DEFB110: variants seen among roughly 807,000 people sequenced by gnomAD.
The protein encoded by DEFB110 is defensin beta 110.
DEFB110 carries 4 observed loss-of-function variants against 2.5 expected under a neutral mutation model. The observed-to-expected ratio is 1.60, with a 90% CI of 0.79 to 3.66. The LOEUF (loss-of-function observed/expected upper bound fraction) is 3.66, where lower values mean the gene tolerates loss of function less well. DEFB110 is among the 30% of genes most tolerant of loss of function. The pLI is 0.01. For synonymous variants in DEFB110, 29 were observed against 21.8 expected (o/e 1.33, Z -0.92); for missense variants, 94 against 75.4 (o/e 1.25, Z -0.91).
At chr6:50,014,062 A>G (rs1294035569), downstream of DEFB110, among the ~76,000 whole-genome samples, 1 of 151,880 alleles carries the variant, frequency 6.6e-6, no homozygotes, top group Non-Finnish European at 1.5e-5. Context: ...GAGAAAGCAC[A>G]TCAAAATAAG....
intron 1 of DEFB110, among the ~76,000 whole-genome samples, chr6:50,010,498 G>C (rs771733973): frequency 5.9e-4 from 89 of 151,194 alleles, no homozygotes; most frequent in Non-Finnish European, 9.2e-4. Context: ...AGATGGAAGA[G>C]ACTGTCAGGT....
chr6:50,017,684 T>A (rs540463674), downstream of DEFB110, among the ~76,000 whole-genome samples: 3 of 142,582 alleles, frequency 2.1e-5, no homozygotes, highest in Non-Finnish European at 4.4e-5. Context: ...AATCAAAGAC[T>A]ATGTAAATTT....
chr6:50,018,645 C>A (rs769030659), downstream of DEFB110, among the ~76,000 whole-genome samples: 1 of 151,954 alleles, frequency 6.6e-6, no homozygotes, highest in Non-Finnish European at 1.5e-5. Context: ...TTACCCAATT[C>A]TTTGACCTAG....
At position 50,019,767 on chromosome 6, in the gene DEFB110, C is replaced by A. The variant is rs535994720; in HGVS notation, c.56-642G>T. Reference sequence around the variant, plus strand: ...TTTTTTTTCTTTCACAAAAAAGTTTCTAAAATAATAACTTACAAACAATTT... The same window carrying A: ...TTTTTTTTCTTTCACAAAAAAGTTTATAAAATAATAACTTACAAACAATTT... On this transcript the variant is annotated intron_variant, in intron 1 of 1. Coordinates refer to ENST00000371148, the MANE Select transcript of DEFB110 (RefSeq NM_001037497.2). Among the ~76,000 whole-genome samples, 3 of 151,700 alleles carry A rather than the reference C, an allele frequency of 2.0e-5. No homozygotes were observed. In the South Asian group the frequency reaches 6.3e-4, roughly 32 times the overall value.
chr6:50,013,784 T>C (rs183029617), intron 1 of DEFB110, among the ~76,000 whole-genome samples: 1 of 151,868 alleles, frequency 6.6e-6, no homozygotes, highest in Non-Finnish European at 1.5e-5. Flanking sequence ...CAGAAGTGTT[T>C]TAGCTTCTAA....
At chr6:50,017,161 C>G (rs1774332952), downstream of DEFB110, among the ~76,000 whole-genome samples, 1 of 151,692 alleles carries the variant, frequency 6.6e-6, no homozygotes, top group African/African-American at 2.4e-5. Flanking sequence ...TAATCTTTTT[C>G]TTGACGTAGC....
rs767010832 is a variant in DEFB110 at position 50,019,055 on chromosome 6, A to T, written c.126T>A (p.Cys42Ter). 1 of 1,613,232 alleles carries T rather than the reference A, an allele frequency of 6.2e-7. No homozygotes were observed. The highest frequency in any genetic ancestry group is 1.1e-5 in the South Asian group (1 of 91,046). The change falls in exon 2 of 2, where the codon TGT becomes TGA. Residue 42 changes from cysteine to a stop codon, truncating the protein, a stop_gained. Coordinates refer to ENST00000371148, the MANE Select transcript of DEFB110 (RefSeq NM_001037497.2). LOFTEE classifies it high-confidence loss of function. ...RRECRIGNGQCKNQCHENEIR... is the reference protein window; with the variant it reads ...RRECRIGNGQ Reference sequence around the variant, plus strand: ...TTTCATTTTCATGACACTGATTTTTACATTGACCATTACCTATTCTGCACT... The same window carrying T: ...TTTCATTTTCATGACACTGATTTTTTCATTGACCATTACCTATTCTGCACT...
At chr6:50,018,837 C>T, downstream of DEFB110, 1 of 1,353,436 alleles carries the variant, frequency 7.4e-7, no homozygotes, top group Non-Finnish European at 9.5e-7. Flanking sequence ...GACATATGAT[C>T]ACTTCTGAAT....
At chr6:50,021,271 C>T (rs1774414273) in intron 1 of DEFB110, among the ~76,000 whole-genome samples, 1 of 152,138 alleles carries the variant, frequency 6.6e-6, no homozygotes, top group African/African-American at 2.4e-5. Context: ...TAGCAGCATC[C>T]TGGGTTCTAT....
At chr6:50,016,407 C>A (rs559622444), downstream of DEFB110, among the ~76,000 whole-genome samples, 2 of 151,580 alleles carry the variant, frequency 1.3e-5, no homozygotes, top group South Asian at 4.2e-4. Flanking sequence ...ATATTGTGGG[C>A]CATAGGAGGG....
downstream of DEFB110, among the ~76,000 whole-genome samples, chr6:50,014,492 TA>T (rs1774283158): frequency 6.6e-6 from 1 of 151,976 alleles, no homozygotes; most frequent in South Asian, 2.1e-4. Flanking sequence ...ATAAGGTTGG[TA>T]AAATTTTTAA....
At chr6:50,019,934 A>G (rs1774390850) in intron 1 of DEFB110, among the ~76,000 whole-genome samples, 1 of 152,244 alleles carries the variant, frequency 6.6e-6, no homozygotes, top group East Asian at 1.9e-4. Context: ...CACATTGTCT[A>G]TAACTGCTTT....
chr6:50,015,241 T>C (rs1774297267), downstream of DEFB110, among the ~76,000 whole-genome samples: 1 of 151,822 alleles, frequency 6.6e-6, no homozygotes, highest in African/African-American at 2.4e-5. Context: ...TGGACTTAGC[T>C]TCTATAATTT....
exon 2 of DEFB110, chr6:50,009,201 A>C (rs1356858455): frequency 4.3e-6 from 7 of 1,610,666 alleles, no homozygotes; most frequent in Non-Finnish European, 5.9e-6. Context: ...CATCATCACA[A>C]AACGTTTTAC....
downstream of DEFB110, among the ~76,000 whole-genome samples, chr6:50,015,587 C>G (rs914170757): frequency 2.6e-5 from 4 of 151,744 alleles, no homozygotes; most frequent in Non-Finnish European, 5.9e-5. Flanking sequence ...TACTATAGCC[C>G]AGGATTGTGG....
rs769317505 is a variant in DEFB110, at chr6:50,021,921, A to C, written c.15T>G (p.Leu5=). The C allele has an allele frequency of 6.4e-7, 1 of 1,563,214 alleles. No individual in the cohort carries two copies. The highest frequency in any genetic ancestry group is 2.4e-5 in the East Asian group (1 of 41,984). The stretch of plus-strand genomic sequence containing the variant: ...CCCAAAAGTGCAGAATAAAGAAAAA[A>C]AGTTGAATCTTCATGGTAGAGAGTT... MKIQ[L]FFFILHFWVT... is the part of the protein sequence containing the mutation. The change falls in exon 1 of 2, where the codon CTT becomes CTG. Residue 5 remains leucine, a synonymous_variant. Transcript: ENST00000371148.
At chr6:50,019,270 C>A in intron 1 of DEFB110, 145 bp from the exon 2 acceptor site, 1 of 817,280 alleles carries the variant, frequency 1.2e-6, no homozygotes, top group Non-Finnish European at 1.9e-6. Flanking sequence ...TTTACTGTCC[C>A]TTGGTACAAG....
downstream of DEFB110, among the ~76,000 whole-genome samples, chr6:50,016,393 A>G (rs1333781471): frequency 6.6e-6 from 1 of 151,876 alleles, no homozygotes; most frequent in East Asian, 1.9e-4. Flanking sequence ...TGTCATGAAA[A>G]TTTATATTGT....
downstream of DEFB110, among the ~76,000 whole-genome samples, chr6:50,015,388 A>G (rs1774299830): frequency 6.6e-6 from 1 of 151,736 alleles, no homozygotes; most frequent in South Asian, 2.1e-4. Flanking sequence ...TCTAGCTCCT[A>G]AAAATCCCTG....
Sources: gnomAD v4.1 joint callset for allele counts (sites outside exome capture counted in the v4.1 genomes callset) on GRCh38, gnomAD v4.1.1 for gene constraint, MANE v1.5 for transcripts, NCBI Gene and HGNC (gene_info 2026-07-23, HGNC 2026-07-21) for gene names.